The following SORCS2 variants were observed in gnomAD, a reference collection of about 807,000 sequenced individuals.
SORCS2 encodes the protein sortilin related VPS10 domain containing receptor 2.
A neutral mutation model predicts 141.6 loss-of-function variants in SORCS2; 100 were observed. That is an observed-to-expected ratio of 0.71 (90% confidence interval 0.60 to 0.83). SORCS2 has a LOEUF of 0.83. SORCS2 is among the 40% of genes least tolerant of loss of function. SORCS2 has a pLI of 0.00. For synonymous variants in SORCS2, 789 were observed against 676.9 expected, an observed-to-expected ratio of 1.17 and a Z score of -2.57; for missense variants, 1,646 against 1,560.2, an observed-to-expected ratio of 1.05 and a Z score of -0.93.
Position 7,200,580 on chromosome 4 carries a change from AC to A in SORCS2, c.480+7456del, listed in dbSNP as rs1428422212. On this transcript the variant is annotated intron_variant, in intron 1 of 26. Coordinates refer to ENST00000507866, the MANE Select transcript of SORCS2 (RefSeq NM_020777.3). ...TTGTATTTTATTTATATGAATGGAG[AC>A]CGGGAATGAAGTAGAAGAGACTTTG... is the stretch of plus-strand genomic sequence containing the variant. 9.9e-5 allele frequency among the ~76,000 whole-genome samples: 15 copies of A among 152,260 alleles called. No individual in the cohort carries two copies. The East Asian group carries it at 2.7e-3, about 27-fold the overall frequency.
intron 1 of SORCS2, among the ~76,000 whole-genome samples, chr4:7,268,565 C>G (rs1027614363): frequency 6.6e-6 from 1 of 152,196 alleles, no homozygotes; most frequent in African/African-American, 2.4e-5. Context: ...TGCAAACCTC[C>G]GAGGGCCCAT....
At chr4:7,440,997 C>A (rs1727625023) in intron 2 of SORCS2, among the ~76,000 whole-genome samples, 4 of 151,884 alleles carry the variant, frequency 2.6e-5, no homozygotes, top group Admixed American at 6.6e-5. Context: ...TGGGGTGAGA[C>A]CGTGGGGGAA....
At chr4:7,323,125 G>A (rs547059488) in intron 1 of SORCS2, among the ~76,000 whole-genome samples, 157 of 152,324 alleles carry the variant, frequency 1.0e-3, no homozygotes, top group African/African-American at 3.0e-3. Flanking sequence ...ATTAATAACC[G>A]CCAGTTTTGC....
intron 2 of SORCS2, among the ~76,000 whole-genome samples, chr4:7,476,486 T>A (rs964006680): frequency 1.4e-4 from 22 of 152,042 alleles, no homozygotes; most frequent in African/African-American, 5.3e-4. Context: ...TTTACCAAAG[T>A]CCTCCATAGC....
intron 1 of SORCS2, among the ~76,000 whole-genome samples, chr4:7,307,511 G>A (rs755676698): frequency 1.2e-4 from 19 of 152,238 alleles, no homozygotes; most frequent in Non-Finnish European, 2.5e-4. Context: ...TGCCCTGGCC[G>A]CTTGGGGGTG....
chr4:7,633,627 C>T (rs972239283), intron 3 of SORCS2, among the ~76,000 whole-genome samples: 1 of 152,138 alleles, frequency 6.6e-6, no homozygotes, highest in Non-Finnish European at 1.5e-5. Flanking sequence ...GTGGTGAAGA[C>T]GCATAAGTGG....
At chr4:7,709,220 C>T (rs539796034) in intron 14 of SORCS2, among the ~76,000 whole-genome samples, 6 of 152,296 alleles carry the variant, frequency 3.9e-5, no homozygotes, top group African/African-American at 1.2e-4. Context: ...GGGGTGAGGG[C>T]GGCCCTTACT....
rs1276755679 is a variant in SORCS2, at chr4:7,681,694, CTGT to C, written c.1342-1044_1342-1042del. Among the ~76,000 whole-genome samples the C allele has an allele frequency of 5.9e-5, 9 of 152,204 alleles. No homozygotes were observed. The South Asian group carries it at 1.7e-3, about 28-fold the overall frequency. On this transcript the variant is annotated intron_variant, in intron 9 of 26. Transcript: ENST00000507866. ...TCTGCTGGTTTCATCATCATGGCTG[CTGT>C]TGTTCTCCCCATAAGGACCTGCTGG...
At chr4:7,724,126 G>GGTGGTGGTGGTGATGGTGGTGATA (rs1553808119) in intron 19 of SORCS2, among the ~76,000 whole-genome samples, 14 of 139,002 alleles carry the variant, frequency 1.0e-4, no homozygotes, top group African/African-American at 1.5e-4. Flanking sequence ...TGGTGGTGGT[G>GGTGGTGGTGGTGATGGTGGTGATA]GTGGTGGTGG....
chr4:7,624,704 C>A (rs56402555), intron 3 of SORCS2, among the ~76,000 whole-genome samples: 4,689 of 152,314 alleles, frequency 0.031, 222 homozygotes, highest in African/African-American at 0.1. Flanking sequence ...ATAGTTAATG[C>A]AACCATCCTG....
chr4:7,392,288 G>A (rs1327795624), intron 1 of SORCS2, among the ~76,000 whole-genome samples: 1 of 151,158 alleles, frequency 6.6e-6, no homozygotes, highest in African/African-American at 2.4e-5. Context: ...CTCCAGGACA[G>A]GGCATGTTCC....
At chr4:7,329,721 C>T (rs916576777) in intron 1 of SORCS2, among the ~76,000 whole-genome samples, 3 of 152,208 alleles carry the variant, frequency 2.0e-5, no homozygotes, top group Admixed American at 6.5e-5. Flanking sequence ...CTTACAATGG[C>T]TCAACTTAAC....
intron 2 of SORCS2, among the ~76,000 whole-genome samples, chr4:7,512,199 GCA>G (rs924418837): frequency 6.6e-6 from 1 of 151,938 alleles, no homozygotes; most frequent in African/African-American, 2.4e-5. Context: ...TGAGAGGCTC[GCA>G]CAGTCACTCA....
At chr4:7,231,352 C>T (rs1267229553) in intron 1 of SORCS2, among the ~76,000 whole-genome samples, 2 of 152,220 alleles carry the variant, frequency 1.3e-5, no homozygotes, top group Non-Finnish European at 2.9e-5. Context: ...CTGATGTATA[C>T]ATTAATCTCA....
At chr4:7,667,103 T>A (rs1416657732) in intron 7 of SORCS2, 21 bp from the exon 8 acceptor site, 1 of 1,601,752 alleles carries the variant, frequency 6.2e-7, no homozygotes, top group Non-Finnish European at 8.6e-7. Context: ...CTCTCAAAAA[T>A]GTGTTTCTTC....
At chr4:7,498,567 C>A (rs189493332) in intron 2 of SORCS2, among the ~76,000 whole-genome samples, 2 of 152,224 alleles carry the variant, frequency 1.3e-5, no homozygotes, top group African/African-American at 4.8e-5. Context: ...CCTGCCAAGG[C>A]GGCCAGGCAG....
chr4:7,192,573 C>T lies in SORCS2; in HGVS notation c.-74C>T, dbSNP rs1459403525. 3 of 983,818 alleles carry T rather than the reference C, an allele frequency of 3.0e-6. No individual in the cohort carries two copies. The highest frequency in any genetic ancestry group is 1.8e-5 in the African/African-American group (1 of 57,058). The allele number at this position is 983,818 out of a possible 1,614,324, so 60.9% of individuals were successfully genotyped here. On this transcript the variant is annotated 5_prime_UTR_variant, in exon 1 of 27. Transcript: ENST00000507866. The surrounding 1 kb of genome is among the most constrained non-coding windows in gnomAD (Gnocchi z 4.0). ...CGCTCTCGCTCGCGCTCCCCAGCGC[C>T]CTCCTGCTCTCCCGGCCGCGGTCCC...
chr4:7,230,671 TC>T (rs1711799071), intron 1 of SORCS2, among the ~76,000 whole-genome samples: 4 of 122,730 alleles, frequency 3.3e-5, no homozygotes, highest in Non-Finnish European at 5.5e-5. Flanking sequence ...GATGGTCAAG[TC>T]TTCGAGTCTC....
chr4:7,543,320 A>C (rs1712826181), intron 3 of SORCS2, among the ~76,000 whole-genome samples: 1 of 152,010 alleles, frequency 6.6e-6, no homozygotes, highest in African/African-American at 2.4e-5. Flanking sequence ...TCAGTCCACT[A>C]ATTCATTCAT....
Sources: allele counts gnomAD v4.1 joint callset (sites outside exome capture counted in the v4.1 genomes callset), GRCh38; gene constraint gnomAD v4.1.1; non-coding constraint Gnocchi (gnomAD v3.1); transcripts MANE v1.5; gene names NCBI Gene and HGNC (gene_info 2026-07-23, HGNC 2026-07-21).